The following TBC1D4 variants were observed in gnomAD, a reference collection of about 807,000 sequenced individuals.
The protein encoded by TBC1D4 is TBC1 domain family member 4, also known as TBC (Tre-2, BUB2, CDC16) domain-containing protein.
Under a neutral mutation model 142.5 loss-of-function variants are expected in TBC1D4, and 121 were observed. The observed-to-expected ratio is 0.85, with a 90% confidence interval of 0.73 to 0.99. TBC1D4 has a LOEUF of 0.99. Among genes scored for constraint, TBC1D4 ranks in the 50% least tolerant of loss-of-function variants. The pLI is 0.00. For synonymous variants in TBC1D4, 630 were observed against 628.2 expected (o/e 1.00, Z -0.04); for missense variants, 1,475 against 1,606.6 (o/e 0.92, Z 1.40).
intron 1 of TBC1D4, among the ~76,000 whole-genome samples, chr13:75,382,034 A>G (rs562506897): frequency 7.0e-4 from 107 of 152,274 alleles, no homozygotes; most frequent in African/African-American, 2.5e-3. Context: ...AGTAAAAGGG[A>G]ATCTTTTTAG....
intron 7 of TBC1D4, among the ~76,000 whole-genome samples, chr13:75,340,596 C>A (rs971511293): frequency 1.7e-4 from 26 of 152,124 alleles, no homozygotes; most frequent in East Asian, 7.7e-4. Flanking sequence ...CCCACAAATT[C>A]TTTTACATTT....
chr13:75,388,068 C>T (rs919381882), intron 1 of TBC1D4, among the ~76,000 whole-genome samples: 2 of 152,166 alleles, frequency 1.3e-5, no homozygotes, highest in African/African-American at 2.4e-5. Flanking sequence ...AGCCTTGTGG[C>T]CCCCTTCTTC....
intron 1 of TBC1D4, among the ~76,000 whole-genome samples, chr13:75,465,388 T>G (rs1326092594): frequency 6.6e-6 from 1 of 152,128 alleles, no homozygotes; most frequent in Non-Finnish European, 1.5e-5. Flanking sequence ...AATGAAGGAA[T>G]GGTTGAGGGA....
intron 4 of TBC1D4, 30 bp from the exon 5 acceptor site, chr13:75,349,332 A>G: frequency 6.2e-7 from 1 of 1,612,980 alleles, no homozygotes; most frequent in Non-Finnish European, 8.5e-7. Context: ...TCAGGTCTAT[A>G]AAAGTTGGCT....
chr13:75,386,001 A>G (rs1368524242), intron 1 of TBC1D4, among the ~76,000 whole-genome samples: 1 of 152,222 alleles, frequency 6.6e-6, no homozygotes, highest in Admixed American at 6.5e-5. Flanking sequence ...GTGTCCTGCT[A>G]TGAACCTGAA....
intron 1 of TBC1D4, among the ~76,000 whole-genome samples, chr13:75,467,210 C>G (rs928250529): frequency 5.9e-5 from 9 of 152,148 alleles, no homozygotes; most frequent in Non-Finnish European, 8.8e-5. Context: ...ACTCCAAGAA[C>G]AAAAGAAAAC....
intron 1 of TBC1D4, among the ~76,000 whole-genome samples, chr13:75,472,275 T>C (rs1262268813): frequency 1.4e-5 from 2 of 144,294 alleles, no homozygotes; most frequent in East Asian, 2.1e-4. Flanking sequence ...AAAAATTAGC[T>C]GGGTGTGCTG....
chr13:75,336,810 T>C, intron 8 of TBC1D4, 111 bp downstream of exon 8: 1 of 1,296,572 alleles, frequency 7.7e-7, no homozygotes. Flanking sequence ...TCTTAGGTTT[T>C]TTTTTTGTTT....
intron 1 of TBC1D4, among the ~76,000 whole-genome samples, chr13:75,389,442 T>C (rs1884350543): frequency 6.6e-6 from 1 of 152,236 alleles, no homozygotes; most frequent in Non-Finnish European, 1.5e-5. Context: ...CTGAGGCTAC[T>C]ATTAGTTTTT....
At position 75,296,245 on chromosome 13, in the gene TBC1D4, GA is replaced by G. The variant is rs962517287; in HGVS notation, c.3157-1233del. Among the ~76,000 whole-genome samples, 21 of 148,280 alleles carry G rather than the reference GA, an allele frequency of 1.4e-4. No individual in the cohort carries two copies. In the East Asian group the frequency reaches 1.8e-3, roughly 13 times the overall value. Reference sequence around the variant, plus strand: ...GATTATTATCTCAAAAAATCATGTTGAAAAAAAACATACATTTCCTTTAGAC... The same window carrying G: ...GATTATTATCTCAAAAAATCATGTTGAAAAAAACATACATTTCCTTTAGAC... On this transcript the variant is annotated intron_variant, in intron 17 of 20. Coordinates refer to ENST00000377636, the MANE Select transcript of TBC1D4 (RefSeq NM_014832.5).
At chr13:75,410,190 A>T (rs2138393886) in intron 1 of TBC1D4, among the ~76,000 whole-genome samples, 1 of 152,288 alleles carries the variant, frequency 6.6e-6, no homozygotes, top group South Asian at 2.1e-4. Flanking sequence ...TGATATATTC[A>T]CATCACGTCC....
intron 1 of TBC1D4, among the ~76,000 whole-genome samples, chr13:75,404,746 G>C (rs896969286): frequency 2.0e-5 from 3 of 152,040 alleles, no homozygotes; most frequent in African/African-American, 7.2e-5. Flanking sequence ...CTTTTTTTAA[G>C]TATTTCACTA....
At chr13:75,335,132 C>T (rs568566067) in intron 8 of TBC1D4, among the ~76,000 whole-genome samples, 6 of 152,228 alleles carry the variant, frequency 3.9e-5, no homozygotes, top group African/African-American at 1.2e-4. Flanking sequence ...CTCTGACACC[C>T]GCACTGGGCC....
intron 1 of TBC1D4, among the ~76,000 whole-genome samples, chr13:75,432,897 A>G (rs1034438965): frequency 6.6e-6 from 1 of 151,564 alleles, no homozygotes; most frequent in Non-Finnish European, 1.5e-5. Context: ...AGCCAAGATC[A>G]TGCCACTACA....
intron 14 of TBC1D4, among the ~76,000 whole-genome samples, chr13:75,309,178 A>C (rs1310116796): frequency 1.3e-5 from 2 of 152,120 alleles, no homozygotes; most frequent in Non-Finnish European, 2.9e-5. Flanking sequence ...AAAATAATGA[A>C]ATTTATACAT....
At chr13:75,410,022 A>T (rs560282694) in intron 1 of TBC1D4, among the ~76,000 whole-genome samples, 1 of 152,310 alleles carries the variant, frequency 6.6e-6, no homozygotes, top group African/African-American at 2.4e-5. Context: ...TCTTAACCAA[A>T]TTTGCCACTT....
At chr13:75,314,869 G>A (rs949666583) in intron 12 of TBC1D4, among the ~76,000 whole-genome samples, 1 of 151,638 alleles carries the variant, frequency 6.6e-6, no homozygotes, top group African/African-American at 2.4e-5. Flanking sequence ...AATCCCAGTT[G>A]CTTGGGAGGC....
chr13:75,383,971 A>C (rs1884016116), intron 1 of TBC1D4, among the ~76,000 whole-genome samples: 1 of 152,124 alleles, frequency 6.6e-6, no homozygotes, highest in Admixed American at 6.5e-5. Context: ...ACCATTTCAA[A>C]ACTTATCTCC....
intron 1 of TBC1D4, among the ~76,000 whole-genome samples, chr13:75,463,998 G>A (rs145150566): frequency 9.2e-5 from 14 of 152,286 alleles, no homozygotes; most frequent in Non-Finnish European, 1.6e-4. Context: ...AAGTACCACC[G>A]GTAGTAGTAA....
Sources: allele counts gnomAD v4.1 joint callset (sites outside exome capture counted in the v4.1 genomes callset), GRCh38; gene constraint gnomAD v4.1.1; transcripts MANE v1.5; gene names NCBI Gene and HGNC (gene_info 2026-07-23, HGNC 2026-07-21).